Variants in BOD1L1 observed in about 807,000 individuals in gnomAD.
The protein encoded by BOD1L1 is biorientation of chromosomes in cell division 1 like 1.
In BOD1L1, 86 loss-of-function variants were observed where a neutral mutation model predicts 240.7. The observed-to-expected ratio is 0.36, with a 90% CI of 0.30 to 0.43. BOD1L1 has a LOEUF of 0.43. Ranked by LOEUF, BOD1L1 falls within the 20% of genes least tolerant of loss-of-function variation. The pLI is 1.00. For synonymous variants in BOD1L1, 1,268 were observed against 1,272.3 expected (o/e 1.00, Z 0.07); for missense variants, 3,554 against 3,643.5 (o/e 0.98, Z 0.63).
At chr4:13,614,047 T>G (rs1716381273) in intron 4 of BOD1L1, 149 bp downstream of exon 4, 1 of 655,950 alleles carries the variant, frequency 1.5e-6, no homozygotes. Flanking sequence ...AATACAAATA[T>G]TTATTGCTTT....
At chr4:13,595,024 C>G (rs58495734) in intron 12 of BOD1L1, among the ~76,000 whole-genome samples, 5 of 152,120 alleles carry the variant, frequency 3.3e-5, no homozygotes, top group African/African-American at 1.2e-4. Context: ...AAAACAGATA[C>G]GAGAAATAGC....
intron 17 of BOD1L1, among the ~76,000 whole-genome samples, chr4:13,585,052 GAAAAT>G (rs1713562896): frequency 6.6e-6 from 1 of 152,100 alleles, no homozygotes; most frequent in African/African-American, 2.4e-5. Flanking sequence ...AAATTTAAGA[GAAAAT>G]GAAATGATAC....
Position 13,577,641 on chromosome 4 carries a change from A to G in BOD1L1, c.8750-10T>C, listed in dbSNP as rs377378999. On this transcript the variant is annotated splice_polypyrimidine_tract_variant and intron_variant, in intron 22 of 25. Coordinates refer to ENST00000040738, the MANE Select transcript of BOD1L1 (RefSeq NM_148894.3). ...TCTTTATTGGATTCATCTTTAAGAA[A>G]AGGGAAATCTCTGCATTAATATTTT... 3.2e-6 allele frequency: 5 copies of G among 1,540,776 alleles called. No homozygotes were observed. Among genetic ancestry groups the G allele is most frequent in the Non-Finnish European group, 3.5e-6 (4 of 1,134,144 alleles).
intron 12 of BOD1L1, among the ~76,000 whole-genome samples, chr4:13,594,608 C>G (rs912004974): frequency 1.3e-5 from 2 of 152,130 alleles, no homozygotes; most frequent in Non-Finnish European, 2.9e-5. Context: ...AACCATTGGC[C>G]GAGCGCAGTG....
Position 13,614,679 on chromosome 4 carries a change from C to A in BOD1L1, c.691G>T (p.Glu231Ter). 6.2e-7 allele frequency: 1 copy of A among 1,613,888 alleles called. No homozygotes were observed. Among genetic ancestry groups the A allele is most frequent in the Non-Finnish European group, 8.5e-7 (1 of 1,179,858 alleles). Residue 231 changes from glutamate (E) to a stop codon, truncating the protein, a stop_gained, in exon 4 of 26, where the codon GAG (glutamate) becomes TAG (stop). Coordinates refer to ENST00000040738, the MANE Select transcript of BOD1L1 (RefSeq NM_148894.3). LOFTEE classifies it high-confidence loss of function. ...STETSNAKTS[E>*]RASKKLPSQP... is the part of the protein sequence containing the mutation. ...GATGGAAGTTTTTTTGACGCTCTCT[C>A]ACTGGTCTTGGCATTTGATGTTTCT...
At chr4:13,623,882 C>A (rs1029586431) in intron 1 of BOD1L1, 2 of 152,172 alleles carry the variant, frequency 1.3e-5, no homozygotes, top group Non-Finnish European at 2.9e-5. Context: ...GTTCAAGTGG[C>A]AGATGAAACT....
In BOD1L1 at chr4:13,607,178, T is replaced by C; in HGVS notation, c.1754A>G (p.Glu585Gly). 6.4e-7 allele frequency: 1 copy of C among 1,569,546 alleles called. No homozygotes were observed. Among genetic ancestry groups the C allele is most frequent in the Non-Finnish European group, 8.6e-7 (1 of 1,157,848 alleles). ...ATATTGCTGTTTCTTTTTGGAGTTC[T>C]CTTCAACATTCCTAAGGGGGAAAGA... The part of the protein sequence containing the change: ...KRKKDSRNVE[E>G]NSKKKQQYEE... The change falls in exon 9 of 26, where the codon GAG becomes GGG. Residue 585 changes from glutamate (E) to glycine (G), a missense_variant. Transcript: ENST00000040738.
intron 14 of BOD1L1, 85 bp from the exon 15 acceptor site, chr4:13,588,877 G>A (rs2108910460): frequency 1.1e-6 from 1 of 902,092 alleles, no homozygotes; most frequent in Non-Finnish European, 1.6e-6. Context: ...AGGGGGCTGG[G>A]AGAAAACTGA....
chr4:13,613,414 G>T lies in BOD1L1; in HGVS notation c.1324+98C>A. 1 of 1,137,630 alleles carries T rather than the reference G, an allele frequency of 8.8e-7. No homozygotes were observed. The highest frequency in any genetic ancestry group is 1.2e-6 in the Non-Finnish European group (1 of 828,072). The allele number at this position is 1,137,630 out of a possible 1,614,324, so 70.5% of individuals were successfully genotyped here. A position where few individuals can be genotyped will look rare whatever the true frequency, so the allele number is the denominator to read the frequency against. Reference sequence around the variant, plus strand: ...TCCAACTACAAAATCCCATGCTCTTGCTACTATACCACACTGTTTCTCAGG... The same window carrying T: ...TCCAACTACAAAATCCCATGCTCTTTCTACTATACCACACTGTTTCTCAGG... On this transcript the variant is annotated intron_variant, in intron 5 of 25. Transcript: ENST00000040738. This position sits in a 1 kb window ranked among gnomAD's most constrained non-coding sequence, Gnocchi z 4.0.
At position 13,604,818 on chromosome 4, in the gene BOD1L1, T is replaced by C. The variant is rs756791882; in HGVS notation, c.2082A>G (p.Lys694=). Residue 694 remains lysine, a synonymous_variant, in exon 10 of 26, where the codon AAA becomes AAG. Transcript: ENST00000040738. The stretch of plus-strand genomic sequence containing the variant: ...GATGCTTTTCGTTTTTAAGTGTGCT[T>C]TTCTGTTTCTGGGGCTCTTCGGTGC... ...EICTEEPQKQ[K]STLKNEKHLK... The C allele has an allele frequency of 5.0e-6, 8 of 1,612,934 alleles. 1 individual carries two copies. The South Asian group carries it at 8.8e-5, about 18-fold the overall frequency.
chr4:13,612,992 C>T (rs574259942), intron 5 of BOD1L1, among the ~76,000 whole-genome samples: 1 of 152,338 alleles, frequency 6.6e-6, no homozygotes, highest in African/African-American at 2.4e-5. Context: ...AAGTAACTGT[C>T]TGAAACTTTC....
intron 14 of BOD1L1, among the ~76,000 whole-genome samples, chr4:13,589,776 G>A (rs1419141911): frequency 6.6e-6 from 1 of 152,184 alleles, no homozygotes; most frequent in Non-Finnish European, 1.5e-5. Flanking sequence ...GCACATAGGT[G>A]TTTATTACTG....
chr4:13,589,097 C>T (rs1713968354), intron 14 of BOD1L1, among the ~76,000 whole-genome samples: 2 of 152,204 alleles, frequency 1.3e-5, no homozygotes, highest in African/African-American at 4.8e-5. Context: ...CCCTTCCCCC[C>T]AGTTTGTGTA....
At position 13,581,144 on chromosome 4, in the gene BOD1L1, T is replaced by C. The variant is rs1473986393; in HGVS notation, c.8656A>G (p.Thr2886Ala). 1.9e-6 allele frequency: 3 copies of C among 1,577,282 alleles called. No homozygotes were observed. The highest frequency in any genetic ancestry group is 2.7e-5 in the African/African-American group (2 of 74,288). ...GRPRKYPVET[T>A]LKMKDDSKTD... ...ACCAAGTACCTACTCATTTTTAACG[T>C]TGTTTCTACAGGGTATTTGCGAGGT... The change falls in exon 20 of 26, where the codon ACG (threonine) becomes GCG (alanine). Residue 2886 changes from threonine (T) to alanine (A), a missense_variant. Transcript: ENST00000040738.
chr4:13,620,025 C>A lies in BOD1L1; in HGVS notation c.286G>T (p.Ala96Ser), dbSNP rs1486589393. 3 of 1,602,022 alleles carry A rather than the reference C, an allele frequency of 1.9e-6. No homozygotes were observed. Among genetic ancestry groups the A allele is most frequent in the Non-Finnish European group, 2.6e-6 (3 of 1,173,494 alleles). ...CATGTGTGAGTTGCCAAGTGATTTGCAACAAAGTTGTCAACACGCTGTCTC... is the reference window on the plus strand; with the variant it reads ...CATGTGTGAGTTGCCAAGTGATTTGAAACAAAGTTGTCAACACGCTGTCTC... The part of the protein sequence containing the change: ...NLRQRVDNFV[A>S]NHLATHTWSP... Residue 96 changes from alanine (A) to serine (S), a missense_variant, in exon 2 of 26, where the codon GCA (alanine) becomes TCA (serine). Ala to Ser is a moderately conservative substitution (Grantham distance 99). This residue lies in a region of BOD1L1 where 161 missense variants were observed against 216.4 expected (regional missense o/e 0.74). Transcript: ENST00000040738.
At chr4:13,587,957 G>A (rs1255398502) in intron 15 of BOD1L1, among the ~76,000 whole-genome samples, 186 bp from the exon 16 acceptor site, 1 of 152,128 alleles carries the variant, frequency 6.6e-6, no homozygotes. Flanking sequence ...AGGCCCAGGT[G>A]GGCGGATCAC....
intron 18 of BOD1L1, 101 bp downstream of exon 18, chr4:13,582,551 T>C (rs1021544530): frequency 3.3e-6 from 3 of 895,662 alleles, no homozygotes; most frequent in Middle Eastern, 2.6e-4. Flanking sequence ...GGCACTTTAT[T>C]ACACAGGAAA....
In BOD1L1 at chr4:13,597,092, T is replaced by C. The variant is rs375571416; in HGVS notation, c.8019+12A>G. 6.3e-7 allele frequency: 1 copy of C among 1,577,334 alleles called. No homozygotes were observed. Among genetic ancestry groups the C allele is most frequent in the Non-Finnish European group, 8.6e-7 (1 of 1,158,800 alleles). On this transcript the variant is annotated intron_variant, in intron 11 of 25. Coordinates refer to ENST00000040738, the MANE Select transcript of BOD1L1 (RefSeq NM_148894.3). ...CACTTACAGTTCAGCACAGCTGAAT[T>C]ATAAGCCATACCTCCATTTTCAAGT...
Position 13,576,988 on chromosome 4 carries a change from G to A in BOD1L1, c.8888C>T (p.Ser2963Phe). 8.1e-6 allele frequency: 13 copies of A among 1,613,546 alleles called. No homozygotes were observed. The highest frequency in any genetic ancestry group is 1.1e-5 in the Non-Finnish European group (13 of 1,179,724). The change falls in exon 25 of 26, where the codon TCC becomes TTC. Residue 2963 changes from serine to phenylalanine, a missense_variant. Ser to Phe is a radical substitution (Grantham distance 155). Around this residue, in one of 2 missense-constraint regions of BOD1L1, gnomAD observed 3,393 missense variants for 3,427.1 expected, o/e 0.99. Coordinates refer to ENST00000040738, the MANE Select transcript of BOD1L1 (RefSeq NM_148894.3). ...RSLTVSDDAESSEPERKRQKS... is the reference protein window; with the variant it reads ...RSLTVSDDAEFSEPERKRQKS... ...CTGGCGTTTTCTTTCTGGCTCTGAG[G>A]ATTCTGTTCAAATAGAAGGGTAACA...
Sources: gnomAD v4.1 joint callset for allele counts (sites outside exome capture counted in the v4.1 genomes callset) on GRCh38, gnomAD v4.1.1 for gene constraint, gnomAD v4.1.1 regional missense constraint, Gnocchi (gnomAD v3.1) non-coding constraint, MANE v1.5 for transcripts, NCBI Gene and HGNC (gene_info 2026-07-23, HGNC 2026-07-21) for gene names.